The following MNX1 variants were observed in gnomAD, a reference collection of about 807,000 sequenced individuals.
MNX1 encodes the protein motor neuron and pancreas homeobox 1, also known as motor neuron and pancreas homeobox protein 1.
In MNX1, 2 loss-of-function variants were observed where a neutral mutation model predicts 17.3. The observed-to-expected ratio is 0.12, with a 90% CI of 0.05 to 0.36. The LOEUF (loss-of-function observed/expected upper bound fraction) is 0.36, where lower values mean the gene tolerates loss of function less well. MNX1 is among the 10% of genes least tolerant of loss of function. MNX1 has a pLI of 1.00. For missense variants in MNX1, 556 were observed against 564.7 expected (o/e 0.98, Z 0.16); for synonymous variants, 306 against 283.1 (o/e 1.08, Z -0.81).
chr7:157,009,901 C>A lies in MNX1; in HGVS notation c.450G>T (p.Ala150=). The change falls in exon 1 of 3, where the codon GCG becomes GCT. Residue 150 remains alanine, a synonymous_variant. Coordinates refer to ENST00000252971, the MANE Select transcript of MNX1 (RefSeq NM_005515.4). ...AGAGCGCCGCCTGCGCCGGGAGGCC[C>A]GCGCCGCCCTGCGCGCCCCCAGGGT... is the stretch of plus-strand genomic sequence containing the variant. ...GLHPGGAQGG[A]GLPAQAALYG... 3 of 1,346,212 alleles carry A rather than the reference C, an allele frequency of 2.2e-6. No individual in the cohort carries two copies. The highest frequency in any genetic ancestry group is 1.7e-5 in the South Asian group (1 of 57,524). 83.4% of individuals were successfully genotyped at this position (1,346,212 alleles called of 1,614,324 possible).
Position 157,005,566 on chromosome 7 carries a change from T to C in MNX1, c.1160A>G (p.Asp387Gly). 2 of 1,573,158 alleles carry C rather than the reference T, an allele frequency of 1.3e-6. No individual in the cohort carries two copies. The highest frequency in any genetic ancestry group is 2.4e-5 in the East Asian group (1 of 41,178). Residue 387 changes from aspartate to glycine, a missense_variant, in exon 3 of 3, where the codon GAC becomes GGC. Physicochemically the swap from Asp to Gly is moderately conservative, Grantham distance 94 (BLOSUM62 -1). This residue lies in a region of MNX1 where 178 missense variants were observed against 155.2 expected (regional missense o/e 1.15). Coordinates refer to ENST00000252971, the MANE Select transcript of MNX1 (RefSeq NM_005515.4). ...GCTGGGCCGCGGGGGCGGCGAGTCG[T>C]CCTCCGAGGAGCAGTCGGAGGAGGC... is the stretch of plus-strand genomic sequence containing the variant. ...HAASSDCSSE[D>G]DSPPPRPSHQ...
In MNX1 at chr7:157,009,050, C is replaced by T. The variant is rs1805656561; in HGVS notation, c.691+610G>A. 3.9e-6 allele frequency: 6 copies of T among 1,537,018 alleles called. No homozygotes were observed. The Admixed American group carries it at 1.2e-4, about 30-fold the overall frequency. On this transcript the variant is annotated intron_variant, in intron 1 of 2. Coordinates refer to ENST00000252971, the MANE Select transcript of MNX1 (RefSeq NM_005515.4). ...AGGCACCTACTGTTGAGAGTCCCCC[C>T]ATAGCTGGTTCAAGCCAGGCCACCT... is the stretch of plus-strand genomic sequence containing the variant.
intron 1 of MNX1, chr7:157,008,850 A>G: frequency 1.3e-6 from 1 of 753,410 alleles, no homozygotes; most frequent in South Asian, 1.8e-5. Flanking sequence ...CAGCCCGGAG[A>G]GTCCGCGTGT....
Position 157,006,428 on chromosome 7 carries a change from A to G in MNX1, c.852+51T>C, listed in dbSNP as rs756134874. ...CCCGTGGGTCACAAGTGCAAAGGTA[A>G]CAGTGTCCCCTGGGAGGCCGGGATG... On this transcript the variant is annotated intron_variant, in intron 2 of 2. Coordinates refer to ENST00000252971, the MANE Select transcript of MNX1 (RefSeq NM_005515.4). This position sits in a 1 kb window ranked among gnomAD's most constrained non-coding sequence, Gnocchi z 6.3. 1 of 1,582,788 alleles carries G rather than the reference A, an allele frequency of 6.3e-7. No individual in the cohort carries two copies. Among genetic ancestry groups the G allele is most frequent in the Non-Finnish European group, 8.6e-7 (1 of 1,166,406 alleles).
In MNX1 at chr7:157,010,014, GC is replaced by G. The variant is rs1327737533; in HGVS notation, c.336del (p.His114ThrfsTer108). On this transcript the variant is annotated frameshift_variant, in exon 1 of 3. Coordinates refer to ENST00000252971, the MANE Select transcript of MNX1 (RefSeq NM_005515.4). LOFTEE classifies it high-confidence loss of function. The stretch of plus-strand genomic sequence containing the variant: ...GCGCCCGGATGCGCGTGGTGGTGGG[GC>G]CCCCCGTGCCCGCCGCCCGTGCCGC... ...GGGGTGGGHG[G>X]PHHHAHPGAA... 1 of 988,766 alleles carries G rather than the reference GC, an allele frequency of 1.0e-6. No individual in the cohort carries two copies. The highest frequency in any genetic ancestry group is 1.2e-6 in the Non-Finnish European group (1 of 835,110). 61.2% of individuals were successfully genotyped at this position (988,766 alleles called of 1,614,324 possible).
chr7:157,006,016 G>T lies in MNX1; in HGVS notation c.853-143C>A. On this transcript the variant is annotated intron_variant, in intron 2 of 2. Coordinates refer to ENST00000252971, the MANE Select transcript of MNX1 (RefSeq NM_005515.4). This position sits in a 1 kb window ranked among gnomAD's most constrained non-coding sequence, Gnocchi z 6.3. ...GGTGAGACGACTTAGAAGCAGAATGGGGAGGGGGCTCGTAGCTTCCTCCTC... is the reference window on the plus strand; with the variant it reads ...GGTGAGACGACTTAGAAGCAGAATGTGGAGGGGGCTCGTAGCTTCCTCCTC... The T allele has an allele frequency of 1.2e-6, 1 of 848,772 alleles. No individual in the cohort carries two copies. The highest frequency in any genetic ancestry group is 1.8e-6 in the Non-Finnish European group (1 of 546,848). The allele number at this position is 848,772 out of a possible 1,614,324, so 52.6% of individuals were successfully genotyped here.
chr7:157,010,401 TGTGCGGGCTCGCGGAGTCAG>T lies in MNX1; in HGVS notation c.-71_-52del, dbSNP rs1805694373. 1 of 1,491,144 alleles carries T rather than the reference TGTGCGGGCTCGCGGAGTCAG, an allele frequency of 6.7e-7. No individual in the cohort carries two copies. Among genetic ancestry groups the T allele is most frequent in the Non-Finnish European group, 9.1e-7 (1 of 1,096,624 alleles). 92.4% of individuals were successfully genotyped at this position (1,491,144 alleles called of 1,614,324 possible). ...GGCCCGGTGGCGGGCGACGCGGCCG[TGTGCGGGCTCGCGGAGTCAG>T]TGCGTGCGGTGCAAGCCCGGGGGCT... On this transcript the variant is annotated 5_prime_UTR_variant, in exon 1 of 3. Coordinates refer to ENST00000252971, the MANE Select transcript of MNX1 (RefSeq NM_005515.4).
rs116769834 is a variant in MNX1 at position 157,005,304 on chromosome 7, T to G, written c.*216A>C. On this transcript the variant is annotated 3_prime_UTR_variant, in exon 3 of 3. Coordinates refer to ENST00000252971, the MANE Select transcript of MNX1 (RefSeq NM_005515.4). The stretch of plus-strand genomic sequence containing the variant: ...CCTGGGTCTCCCTCTCGCTGTTTCT[T>G]GAAGAGCAGGTGAGGCGCCCTTGCT... 1,488 of 283,852 alleles carry G rather than the reference T, an allele frequency of 5.2e-3. 20 individuals are homozygous for G. Among genetic ancestry groups the G allele is most frequent in the African/African-American group, 0.03 (1,367 of 45,990 alleles). The allele number at this position is 283,852 out of a possible 1,614,324, so 17.6% of individuals were successfully genotyped here.
At position 157,005,757 on chromosome 7, in the gene MNX1, G is replaced by A. The variant is rs1805584959; in HGVS notation, c.969C>T (p.Gly323=). 6.2e-7 allele frequency: 1 copy of A among 1,609,016 alleles called. No homozygotes were observed. The highest frequency in any genetic ancestry group is 8.5e-7 in the Non-Finnish European group (1 of 1,179,360). Residue 323 remains glycine, a synonymous_variant, in exon 3 of 3, where the codon GGC becomes GGT. Transcript: ENST00000252971. ...CCTCGGCTCCCGGCTCCTCCGCGCC[G>A]CCCTTCCCCGCGCCCCCGCCGCCGC... The part of the protein sequence containing the change: ...QKGGGGGAGK[G]GAEEPGAEEL...
At position 157,005,702 on chromosome 7, in the gene MNX1, T is replaced by A. The variant is rs1365706841; in HGVS notation, c.1024A>T (p.Lys342Ter). ...ELLGPPAPGD[K>*]GSGRRLRDLR... ...TCCCGCAGGCGGCGTCCGCTGCCCT[T>A]GTCTCCGGGCGCTGGCGGCCCCAGC... Residue 342 changes from lysine (K) to a stop codon, truncating the protein, a stop_gained, in exon 3 of 3, where the codon AAG becomes TAG. Coordinates refer to ENST00000252971, the MANE Select transcript of MNX1 (RefSeq NM_005515.4). LOFTEE classifies it low-confidence loss of function (END_TRUNC). 2 of 1,610,030 alleles carry A rather than the reference T, an allele frequency of 1.2e-6. No homozygotes were observed. Among genetic ancestry groups the A allele is most frequent in the Non-Finnish European group, 1.7e-6 (2 of 1,179,136 alleles).
Position 157,009,952 on chromosome 7 carries a change from G to GGCGGCT in MNX1, c.398_399insAGCCGC (p.Ala133_Ala134dup). ...GCAGCCCCAGCGCCAGGCCCCCAGCGGCGGCGGCGGCGGCGGCGGCGGCGG... is the reference window on the plus strand; with the variant it reads ...GCAGCCCCAGCGCCAGGCCCCCAGCGGCGGCTGCGGCGGCGGCGGCGGCGGCGGCGG... On this transcript the variant is annotated inframe_insertion, in exon 1 of 3. Coordinates refer to ENST00000252971, the MANE Select transcript of MNX1 (RefSeq NM_005515.4). The GGCGGCT allele has an allele frequency of 1.1e-6, 1 of 935,014 alleles. No homozygotes were observed. Among genetic ancestry groups the GGCGGCT allele is most frequent in the South Asian group, 4.9e-5 (1 of 20,432 alleles). 57.9% of individuals were successfully genotyped at this position (935,014 alleles called of 1,614,324 possible). A position where few individuals can be genotyped will look rare whatever the true frequency, so the allele number is the denominator to read the frequency against.
rs1805683575 is a variant in MNX1 at position 157,010,028 on chromosome 7, C to T, written c.323G>A (p.Gly108Asp). The T allele has an allele frequency of 2.0e-6, 2 of 986,080 alleles. No individual in the cohort carries two copies. Among genetic ancestry groups the T allele is most frequent in the South Asian group, 4.3e-5 (1 of 23,014 alleles). The allele number at this position is 986,080 out of a possible 1,614,324, so 61.1% of individuals were successfully genotyped here. ...GAGGGGGGTG[G>D]GHGGPHHHAH... is the part of the protein sequence containing the mutation. ...GTGGTGGTGGGGCCCCCCGTGCCCG[C>T]CGCCCGTGCCGCCGCCGCCGCCGCC... The change falls in exon 1 of 3, where the codon GGC (glycine) becomes GAC (aspartate). Residue 108 changes from glycine to aspartate, a missense_variant. Physicochemically the swap from Gly to Asp is moderately conservative, Grantham distance 94. Coordinates refer to ENST00000252971, the MANE Select transcript of MNX1 (RefSeq NM_005515.4).
chr7:157,005,940 C>A (rs936821678), intron 2 of MNX1, 67 bp from the exon 3 acceptor site: 2 of 1,584,712 alleles, frequency 1.3e-6, no homozygotes, highest in African/African-American at 2.7e-5. Context: ...CCCGGAGTCC[C>A]CCGGCCGCGT....
In MNX1 at chr7:157,009,897, G is replaced by A. The variant is rs1422454997; in HGVS notation, c.454C>T (p.Leu152Phe). The A allele has an allele frequency of 7.3e-7, 1 of 1,369,622 alleles. No homozygotes were observed. Among genetic ancestry groups the A allele is most frequent in the South Asian group, 1.6e-5 (1 of 62,508 alleles). 84.8% of individuals were successfully genotyped at this position (1,369,622 alleles called of 1,614,324 possible). Residue 152 changes from leucine to phenylalanine, a missense_variant, in exon 1 of 3, where the codon CTC becomes TTC. By Grantham distance (22) the Leu-to-Phe change is conservative. Transcript: ENST00000252971. ...HPGGAQGGAG[L>F]PAQAALYGHP... ...CCGTAGAGCGCCGCCTGCGCCGGGA[G>A]GCCCGCGCCGCCCTGCGCGCCCCCA...
Position 157,005,354 on chromosome 7 carries a change from A to AG in MNX1, c.*165dup, listed in dbSNP as rs35088498. ...TTAAAAGGGAAGCGCCCAGGACCGGAGCCGCGGCCGAATCCCTCCAGCCCC... is the reference window on the plus strand; with the variant it reads ...TTAAAAGGGAAGCGCCCAGGACCGGAGGCCGCGGCCGAATCCCTCCAGCCCC... On this transcript the variant is annotated 3_prime_UTR_variant, in exon 3 of 3. Transcript: ENST00000252971. 1 allele frequency: 341,229 copies of AG among 341,238 alleles called. 170,611 individuals carry two copies. The highest frequency in any genetic ancestry group is 1 in the Middle Eastern group (1,152 of 1,152). 21.1% of individuals were successfully genotyped at this position (341,238 alleles called of 1,614,324 possible).
At chr7:157,009,426 C>A (rs890612316) in intron 1 of MNX1, 11 of 1,428,400 alleles carry the variant, frequency 7.7e-6, no homozygotes, top group Middle Eastern at 1.8e-4. Flanking sequence ...TGCCCCTTCC[C>A]GTTAAGAGAG....
chr7:157,009,501 T>G (rs1016149206), intron 1 of MNX1, 159 bp downstream of exon 1: 2 of 1,438,298 alleles, frequency 1.4e-6, no homozygotes, highest in African/African-American at 1.4e-5. Context: ...TGCCTGGGGG[T>G]CCGGGCGAGT....
At chr7:157,009,576 G>A in intron 1 of MNX1, 84 bp downstream of exon 1, 3 of 1,548,490 alleles carry the variant, frequency 1.9e-6, no homozygotes, top group Middle Eastern at 2.1e-4. Context: ...TGGGAGCCAA[G>A]CGCAGAGAGG....
Position 157,005,588 on chromosome 7 carries a change from A to T in MNX1, c.1138T>A (p.Ser380Thr). ...TCGTCCTCCGAGGAGCAGTCGGAGG[A>T]GGCGGCGTGGACGCTGGCGCCGTTG... is the stretch of plus-strand genomic sequence containing the variant. ...YSNGASVHAA[S>T]SDCSSEDDSP... Residue 380 changes from serine (S) to threonine (T), a missense_variant, in exon 3 of 3, where the codon TCC (serine) becomes ACC (threonine). Ser to Thr is a moderately conservative substitution (Grantham distance 58). This residue lies in a region of MNX1 where 178 missense variants were observed against 155.2 expected (regional missense o/e 1.15). Transcript: ENST00000252971. The T allele has an allele frequency of 6.3e-7, 1 of 1,597,752 alleles. No individual in the cohort carries two copies.
Sources: gnomAD v4.1 joint callset for allele counts on GRCh38, gnomAD v4.1.1 for gene constraint, gnomAD v4.1.1 regional missense constraint, Gnocchi (gnomAD v3.1) non-coding constraint, MANE v1.5 for transcripts, NCBI Gene and HGNC (gene_info 2026-07-23, HGNC 2026-07-21) for gene names.